Variants in FOXK1 observed in about 807,000 individuals in gnomAD.
The protein encoded by FOXK1 is forkhead box K1.
Under a neutral mutation model 51.9 loss-of-function variants are expected in FOXK1, and 19 were observed. The observed-to-expected ratio is 0.37, with a 90% CI of 0.26 to 0.54. FOXK1 has a LOEUF of 0.54. Among genes scored for constraint, FOXK1 ranks in the 20% least tolerant of loss-of-function variants. FOXK1 has a pLI of 0.87. For synonymous variants in FOXK1, 537 were observed against 482.6 expected (o/e 1.11, Z -1.48); for missense variants, 870 against 1,032.7 (o/e 0.84, Z 2.16).
intron 1 of FOXK1, among the ~76,000 whole-genome samples, chr7:4,694,632 G>C (rs1463492812): frequency 6.6e-6 from 1 of 152,076 alleles, no homozygotes; most frequent in Non-Finnish European, 1.5e-5. Context: ...GTTTTTGTTG[G>C]GGGCAGCATA....
In FOXK1 at chr7:4,770,902, T is replaced by TG. The variant is rs1781090964; in HGVS notation, c.*8438_*8439insG. 1 of 140,248 alleles carries TG rather than the reference T, an allele frequency of 7.1e-6. No individual in the cohort carries two copies. Among genetic ancestry groups the TG allele is most frequent in the Non-Finnish European group, 1.6e-5 (1 of 63,994 alleles). The allele number at this position is 140,248 out of a possible 1,614,324, so 8.7% of individuals were successfully genotyped here. ...GTGTGTGTGTGTGTGTGTGTGTGTG[T>TG]ATTTTTTTTTTTACAGTGGCGCCTG... is the stretch of plus-strand genomic sequence containing the variant. On this transcript the variant is annotated 3_prime_UTR_variant, in exon 9 of 9. Coordinates refer to ENST00000328914, the MANE Select transcript of FOXK1 (RefSeq NM_001037165.2).
chr7:4,763,202 C>CGATA lies in FOXK1; in HGVS notation c.*738_*739insGATA, dbSNP rs1780961388. 1 of 152,232 alleles carries CGATA rather than the reference C, an allele frequency of 6.6e-6. No homozygotes were observed. Among genetic ancestry groups the CGATA allele is most frequent in the South Asian group, 2.1e-4 (1 of 4,830 alleles). 9.4% of individuals were successfully genotyped at this position (152,232 alleles called of 1,614,324 possible). A position where few individuals can be genotyped will look rare whatever the true frequency, so the allele number is the denominator to read the frequency against. ...CCCCTCGAAGAGTAAACCTGCCGCT[C>CGATA]TGTCTGATAACTTCAAGTAAGAGCA... On this transcript the variant is annotated 3_prime_UTR_variant, in exon 9 of 9. Transcript: ENST00000328914.
At chr7:4,695,627 C>T (rs1583182309) in intron 1 of FOXK1, among the ~76,000 whole-genome samples, 1 of 152,118 alleles carries the variant, frequency 6.6e-6, no homozygotes, top group East Asian at 1.9e-4. Context: ...CATGGCGAAG[C>T]CCCGTCTCTA....
At position 4,721,589 on chromosome 7, in the gene FOXK1, CTTTTTTTTTTT is replaced by C. The variant is rs200132324; in HGVS notation, c.561-19240_561-19230del. 7.9e-3 allele frequency among the ~76,000 whole-genome samples: 892 copies of C among 112,664 alleles called. 36 individuals are homozygous for C. The highest frequency in any genetic ancestry group is 0.076 in the East Asian group (339 of 4,450). 73.9% of individuals were successfully genotyped at this position (112,664 alleles called of 152,430 possible). On this transcript the variant is annotated intron_variant, in intron 1 of 8. Transcript: ENST00000328914. ...TTTCTCTTTTCTTTTTCTTTTTTTTCTTTTTTTTTTTTTTTTTTTGAGTCAGAGTCTTGTTG... is the reference window on the plus strand; with the variant it reads ...TTTCTCTTTTCTTTTTCTTTTTTTTCTTTTTTTTGAGTCAGAGTCTTGTTG...
chr7:4,723,681 T>C lies in FOXK1; in HGVS notation c.561-17157T>C, dbSNP rs553942726. 3.9e-5 allele frequency among the ~76,000 whole-genome samples: 6 copies of C among 152,304 alleles called. No homozygotes were observed. Among genetic ancestry groups the C allele is most frequent in the African/African-American group, 1.4e-4 (6 of 41,560 alleles). ...AAAACAGTTACTACCAATGTTTGTTTATTTGAGATAGGGTCTTGCTCTGTC... is the reference window on the plus strand; with the variant it reads ...AAAACAGTTACTACCAATGTTTGTTCATTTGAGATAGGGTCTTGCTCTGTC... On this transcript the variant is annotated intron_variant, in intron 1 of 8. Coordinates refer to ENST00000328914, the MANE Select transcript of FOXK1 (RefSeq NM_001037165.2). The surrounding 1 kb of genome is among the most constrained non-coding windows in gnomAD (Gnocchi z 4.7).
rs12701878 is a variant in FOXK1 at position 4,722,921 on chromosome 7, G to A, written c.561-17917G>A. The stretch of plus-strand genomic sequence containing the variant: ...TGGGCAGAGCTGTTGATGGAAGAGG[G>A]TGTGGTCAGAGGCAGGGCAGTTATT... On this transcript the variant is annotated intron_variant, in intron 1 of 8. Transcript: ENST00000328914. This position sits in a 1 kb window ranked among gnomAD's most constrained non-coding sequence, Gnocchi z 5.1. Among the ~76,000 whole-genome samples the A allele has an allele frequency of 0.027, 4,129 of 152,212 alleles. 81 individuals carry two copies. Among genetic ancestry groups the A allele is most frequent in the Middle Eastern group, 0.044 (13 of 294 alleles).
At position 4,706,030 on chromosome 7, in the gene FOXK1, ATACGTGTATATACGTG is replaced by A. The variant is rs1334643690; in HGVS notation, c.560+23165_560+23180del. 1.6e-4 allele frequency among the ~76,000 whole-genome samples: 17 copies of A among 107,264 alleles called. 2 individuals carry two copies. The highest frequency in any genetic ancestry group is 9.0e-4 in the African/African-American group (13 of 14,406). The allele number at this position is 107,264 out of a possible 152,430, so 70.4% of individuals were successfully genotyped here. On this transcript the variant is annotated intron_variant, in intron 1 of 8. Transcript: ENST00000328914. ...TATATATACGTATATATACGTGTAT[ATACGTGTATATACGTG>A]TATATATGTATATATATGTGTATAT...
chr7:4,717,658 T>C (rs1442045975), intron 1 of FOXK1, among the ~76,000 whole-genome samples: 1 of 152,142 alleles, frequency 6.6e-6, no homozygotes, highest in Non-Finnish European at 1.5e-5. Flanking sequence ...GCAGGGCCCT[T>C]CCCTGCACCT....
Position 4,723,386 on chromosome 7 carries a change from T to TG in FOXK1, c.561-17448dup, listed in dbSNP as rs1025356139. 2.4e-4 allele frequency among the ~76,000 whole-genome samples: 36 copies of TG among 151,842 alleles called. No individual in the cohort carries two copies. Among genetic ancestry groups the TG allele is most frequent in the African/African-American group, 8.7e-4 (36 of 41,366 alleles). On this transcript the variant is annotated intron_variant, in intron 1 of 8. Transcript: ENST00000328914. The surrounding 1 kb of genome is among the most constrained non-coding windows in gnomAD (Gnocchi z 4.7). ...TTCTCAAAGCTGTTTTTGTTTTCTG[T>TG]GGGGTTTTTTTTTTGGACGTTCCCA...
At chr7:4,736,916 A>G (rs10261971) in intron 1 of FOXK1, among the ~76,000 whole-genome samples, 99,483 of 152,102 alleles carry the variant, frequency 0.65, 34,503 homozygotes, top group African/African-American at 0.87. Flanking sequence ...GCTCTTTGAA[A>G]GGGAGAAGTC....
rs1285781293 is a variant in FOXK1 at position 4,707,803 on chromosome 7, G to GC, written c.560+24941dup. Among the ~76,000 whole-genome samples, 1 of 151,752 alleles carries GC rather than the reference G, an allele frequency of 6.6e-6. No homozygotes were observed. The highest frequency in any genetic ancestry group is 1.5e-5 in the Non-Finnish European group (1 of 67,974). On this transcript the variant is annotated intron_variant, in intron 1 of 8. Transcript: ENST00000328914. This position sits in a 1 kb window ranked among gnomAD's most constrained non-coding sequence, Gnocchi z 4.1. ...GGGTTCAAGCAATTCTCCTACCTCAGCCCCCCAAGTAGCTGGGATGATAGG... is the reference window on the plus strand; with the variant it reads ...GGGTTCAAGCAATTCTCCTACCTCAGCCCCCCCAAGTAGCTGGGATGATAGG...
chr7:4,753,754 G>A lies in FOXK1; in HGVS notation c.747-705G>A, dbSNP rs769106191. On this transcript the variant is annotated intron_variant, in intron 2 of 8. Coordinates refer to ENST00000328914, the MANE Select transcript of FOXK1 (RefSeq NM_001037165.2). This position sits in a 1 kb window ranked among gnomAD's most constrained non-coding sequence, Gnocchi z 4.9. The stretch of plus-strand genomic sequence containing the variant: ...GCAGGCCAGAGCACACCCCTCAGCC[G>A]GACGGACGCAGCCTCCTGCCTGTGG... Among the ~76,000 whole-genome samples, 12 of 152,192 alleles carry A rather than the reference G, an allele frequency of 7.9e-5. No homozygotes were observed. The highest frequency in any genetic ancestry group is 1.9e-4 in the East Asian group (1 of 5,176).
At position 4,756,088 on chromosome 7, in the gene FOXK1, A is replaced by G. The variant is rs964353797; in HGVS notation, c.1050+705A>G. Among the ~76,000 whole-genome samples the G allele has an allele frequency of 6.6e-6, 1 of 152,168 alleles. No individual in the cohort carries two copies. Among genetic ancestry groups the G allele is most frequent in the African/African-American group, 2.4e-5 (1 of 41,442 alleles). ...CCTGTATTTTCTCCAATGTCAGTGT[A>G]GCGCATCCACTAGCTTTGGTTTTTT... On this transcript the variant is annotated intron_variant, in intron 4 of 8. Coordinates refer to ENST00000328914, the MANE Select transcript of FOXK1 (RefSeq NM_001037165.2). This position sits in a 1 kb window ranked among gnomAD's most constrained non-coding sequence, Gnocchi z 4.1.
rs1258992753 is a variant in FOXK1, at chr7:4,762,542, C to T, written c.*78C>T. ...GGACCCGGCAGCTCAGGCGGCCGCA[C>T]CCACAGACGGAGGAGAACAGCCCGC... On this transcript the variant is annotated 3_prime_UTR_variant, in exon 9 of 9. Transcript: ENST00000328914. The surrounding 1 kb of genome is among the most constrained non-coding windows in gnomAD (Gnocchi z 5.7). The T allele has an allele frequency of 2.1e-6, 3 of 1,418,606 alleles. No homozygotes were observed. The highest frequency in any genetic ancestry group is 1.4e-5 in the African/African-American group (1 of 69,972). 87.9% of individuals were successfully genotyped at this position (1,418,606 alleles called of 1,614,324 possible).
Position 4,682,526 on chromosome 7 carries a change from G to C in FOXK1, c.218G>C (p.Gly73Ala), listed in dbSNP as rs1446657419. 9.0e-7 allele frequency: 1 copy of C among 1,109,004 alleles called. No individual in the cohort carries two copies. Among genetic ancestry groups the C allele is most frequent in the Non-Finnish European group, 1.1e-6 (1 of 911,996 alleles). 68.7% of individuals were successfully genotyped at this position (1,109,004 alleles called of 1,614,324 possible). Residue 73 changes from glycine (G) to alanine (A), a missense_variant, in exon 1 of 9, where the codon GGC becomes GCC. Gly to Ala is a moderately conservative substitution (Grantham distance 60). Coordinates refer to ENST00000328914, the MANE Select transcript of FOXK1 (RefSeq NM_001037165.2). This position sits in a 1 kb window ranked among gnomAD's most constrained non-coding sequence, Gnocchi z 7.6. Reference protein sequence around the residue: ...GAIAGAGSSGGSSGVSGDSAV... With the variant: ...GAIAGAGSSGASSGVSGDSAV... Reference sequence around the variant, plus strand: ...ATCGCGGGCGCGGGCTCCTCCGGGGGCTCCTCCGGGGTATCCGGGGACTCC... The same window carrying C: ...ATCGCGGGCGCGGGCTCCTCCGGGGCCTCCTCCGGGGTATCCGGGGACTCC...
chr7:4,752,666 A>G (rs1430619336), intron 2 of FOXK1, among the ~76,000 whole-genome samples: 5 of 152,188 alleles, frequency 3.3e-5, no homozygotes, highest in Non-Finnish European at 7.4e-5. Context: ...ATCAGAGTGT[A>G]TGTGAGTGAC....
At position 4,755,706 on chromosome 7, in the gene FOXK1, G is replaced by A. The variant is rs1396758736; in HGVS notation, c.1050+323G>A. On this transcript the variant is annotated intron_variant, in intron 4 of 8. Transcript: ENST00000328914. The surrounding 1 kb of genome is among the most constrained non-coding windows in gnomAD (Gnocchi z 6.6). ...TGATCACACCACTGCACTCCAGCCTGGGAGACAGAGAAAGACCCTGTGTCT... is the reference window on the plus strand; with the variant it reads ...TGATCACACCACTGCACTCCAGCCTAGGAGACAGAGAAAGACCCTGTGTCT... Among the ~76,000 whole-genome samples, 4 of 152,252 alleles carry A rather than the reference G, an allele frequency of 2.6e-5. No individual in the cohort carries two copies. In the East Asian group the frequency reaches 5.8e-4, roughly 22 times the overall value.
At chr7:4,752,930 T>C (rs1435074153) in intron 2 of FOXK1, among the ~76,000 whole-genome samples, 2 of 152,252 alleles carry the variant, frequency 1.3e-5, no homozygotes, top group Non-Finnish European at 2.9e-5. Context: ...CTTCTCATCT[T>C]ACTTGTAAAC....
Position 4,723,580 on chromosome 7 carries a change from C to T in FOXK1, c.561-17258C>T, listed in dbSNP as rs759171831. ...GCCTCTACAAACACAGGTCCCTCCTCGCCGTGGTACAATCGCCACGGCACA... is the reference window on the plus strand; with the variant it reads ...GCCTCTACAAACACAGGTCCCTCCTTGCCGTGGTACAATCGCCACGGCACA... On this transcript the variant is annotated intron_variant, in intron 1 of 8. Transcript: ENST00000328914. The surrounding 1 kb of genome is among the most constrained non-coding windows in gnomAD (Gnocchi z 4.7). Among the ~76,000 whole-genome samples the T allele has an allele frequency of 2.0e-5, 3 of 152,146 alleles. No homozygotes were observed. The highest frequency in any genetic ancestry group is 1.9e-4 in the East Asian group (1 of 5,198).
Sources: allele counts gnomAD v4.1 joint callset (sites outside exome capture counted in the v4.1 genomes callset), GRCh38; gene constraint gnomAD v4.1.1; non-coding constraint Gnocchi (gnomAD v3.1); transcripts MANE v1.5; gene names NCBI Gene and HGNC (gene_info 2026-07-23, HGNC 2026-07-21).